ADAMTS20: variants seen among roughly 807,000 people sequenced by gnomAD.
ADAMTS20 encodes A disintegrin and metalloproteinase with thrombospondin motifs 20.
In ADAMTS20, 225 loss-of-function variants were observed where a neutral mutation model predicts 260.1. That is an observed-to-expected ratio of 0.87 (90% CI 0.78 to 0.97). The LOEUF is 0.97. ADAMTS20 is among the 50% of genes least tolerant of loss of function. The probability of loss-of-function intolerance (pLI) is 0.00; values close to 1 mark genes in which losing one functional copy is unlikely to be tolerated. For synonymous variants in ADAMTS20, 802 were observed against 769.5 expected, an observed-to-expected ratio of 1.04 and a Z score of -0.70; for missense variants, 2,400 against 2,337.7, an observed-to-expected ratio of 1.03 and a Z score of -0.55.
chr12:43,501,475 G>A (rs113757061), intron 4 of ADAMTS20, among the ~76,000 whole-genome samples: 3,182 of 59,046 alleles, frequency 0.054, 66 homozygotes, highest in East Asian at 0.2. Flanking sequence ...GCGCGCGCGC[G>A]CGCGCGCACA....
intron 28 of ADAMTS20, among the ~76,000 whole-genome samples, chr12:43,412,838 G>A (rs1375263354): frequency 8.6e-6 from 1 of 116,466 alleles, no homozygotes; most frequent in Non-Finnish European, 1.6e-5. Flanking sequence ...TTGAGACAGA[G>A]TCTGGCTCTG....
chr12:43,443,944 C>T, intron 15 of ADAMTS20, 61 bp from the exon 16 acceptor site: 4 of 1,335,126 alleles, frequency 3.0e-6, no homozygotes, highest in Non-Finnish European at 4.3e-6. Flanking sequence ...GAGGTTATTA[C>T]TGCTGAATGG....
chr12:43,382,573 C>A (rs535532688), intron 31 of ADAMTS20, among the ~76,000 whole-genome samples: 1 of 152,108 alleles, frequency 6.6e-6, no homozygotes, highest in East Asian at 1.9e-4. Context: ...GATGCTTGCA[C>A]ATACAGGTGA....
intron 7 of ADAMTS20, among the ~76,000 whole-genome samples, chr12:43,484,423 T>G (rs578196306): frequency 6.6e-6 from 1 of 152,132 alleles, no homozygotes; most frequent in East Asian, 1.9e-4. Flanking sequence ...ACAAATAGGA[T>G]TTTTAAAGAA....
rs568377106 is a variant in ADAMTS20, at chr12:43,368,220, G to T, written c.5538+1070C>A. On this transcript the variant is annotated intron_variant, in intron 37 of 38. Transcript: ENST00000389420. The stretch of plus-strand genomic sequence containing the variant: ...GTGTCAAATAAAAATAAATCCTTCA[G>T]TCTTGCTATTTTGTTTTGGAACCTT... 5.9e-5 allele frequency among the ~76,000 whole-genome samples: 9 copies of T among 152,072 alleles called. 1 individual carries two copies. In the South Asian group the frequency reaches 1.7e-3, roughly 28 times the overall value.
chr12:43,365,146 T>C (rs1209599895), intron 37 of ADAMTS20, among the ~76,000 whole-genome samples: 1 of 152,044 alleles, frequency 6.6e-6, no homozygotes, highest in Admixed American at 6.6e-5. Context: ...TCAATAATTT[T>C]TAATAAGCAA....
intron 3 of ADAMTS20, among the ~76,000 whole-genome samples, chr12:43,505,492 C>T (rs1163561451): frequency 6.6e-6 from 1 of 152,096 alleles, no homozygotes; most frequent in Non-Finnish European, 1.5e-5. Flanking sequence ...TAAACACTTT[C>T]CCAAATACAT....
chr12:43,519,042 GT>G (rs1206214552), intron 3 of ADAMTS20, among the ~76,000 whole-genome samples: 2 of 151,812 alleles, frequency 1.3e-5, no homozygotes, highest in African/African-American at 4.8e-5. Context: ...TGTTCCCCTA[GT>G]TTTTTTCCCA....
At chr12:43,371,120 C>A (rs751247128) in intron 36 of ADAMTS20, among the ~76,000 whole-genome samples, 1 of 152,188 alleles carries the variant, frequency 6.6e-6, no homozygotes, top group Non-Finnish European at 1.5e-5. Flanking sequence ...AAGCTACCAT[C>A]CCCCAACCTA....
chr12:43,385,032 A>T (rs1940441594), intron 29 of ADAMTS20, among the ~76,000 whole-genome samples: 3 of 152,226 alleles, frequency 2.0e-5, no homozygotes, highest in Non-Finnish European at 4.4e-5. Context: ...GAATCGCCAT[A>T]CTGTCTTCCA....
At chr12:43,413,580 TTG>T (rs1941073543) in intron 28 of ADAMTS20, among the ~76,000 whole-genome samples, 1 of 152,204 alleles carries the variant, frequency 6.6e-6, no homozygotes, top group African/African-American at 2.4e-5. Context: ...AAAGAAATAT[TTG>T]TCTCAAAATA....
At chr12:43,471,920 G>T (rs1441986153) in intron 7 of ADAMTS20, among the ~76,000 whole-genome samples, 1 of 145,174 alleles carries the variant, frequency 6.9e-6, no homozygotes, top group East Asian at 2.1e-4. Context: ...ACTCTAAAAC[G>T]CAGAGCGCCT....
At chr12:43,523,046 G>T (rs760476537) in intron 3 of ADAMTS20, among the ~76,000 whole-genome samples, 2 of 152,140 alleles carry the variant, frequency 1.3e-5, no homozygotes, top group Admixed American at 6.5e-5. Context: ...TGCTAAATCT[G>T]TAGGCCCACC....
chr12:43,384,604 G>A (rs1301082439), intron 29 of ADAMTS20, among the ~76,000 whole-genome samples: 1 of 151,854 alleles, frequency 6.6e-6, no homozygotes, highest in African/African-American at 2.4e-5. Flanking sequence ...GCCTCACCTT[G>A]TCCCCAAACC....
In ADAMTS20 at chr12:43,550,985, A is replaced by G. The variant is rs745547876; in HGVS notation, c.377T>C (p.Leu126Pro). ...AWESDAGPSD[L>P]RHCFYRGQVN... ...CTGGCCGCGGTAGAAGCAGTGGCGC[A>G]GGTCCGAGGGCCCTGCGTCGCTCTC... The change falls in exon 2 of 39, where the codon CTG becomes CCG. Residue 126 changes from leucine (L) to proline (P), a missense_variant. Coordinates refer to ENST00000389420, the MANE Select transcript of ADAMTS20 (RefSeq NM_025003.5). 10 of 1,610,674 alleles carry G rather than the reference A, an allele frequency of 6.2e-6. No individual in the cohort carries two copies. Among genetic ancestry groups the G allele is most frequent in the Non-Finnish European group, 8.5e-6 (10 of 1,177,846 alleles).
At chr12:43,440,836 G>A (rs184050137) in intron 16 of ADAMTS20, among the ~76,000 whole-genome samples, 1 of 152,104 alleles carries the variant, frequency 6.6e-6, no homozygotes, top group East Asian at 1.9e-4. Flanking sequence ...AGGCCGAGAC[G>A]GGCGGATCAC....
chr12:43,529,897 A>G (rs897237601), intron 3 of ADAMTS20, among the ~76,000 whole-genome samples: 13 of 152,166 alleles, frequency 8.5e-5, no homozygotes, highest in African/African-American at 3.1e-4. Flanking sequence ...TTTTAATTGC[A>G]TTTGCAATGC....
rs1942158187 is a variant in ADAMTS20, at chr12:43,466,681, A to G, written c.1338T>C (p.Cys446=). 1 of 1,609,856 alleles carries G rather than the reference A, an allele frequency of 6.2e-7. No homozygotes were observed. Among genetic ancestry groups the G allele is most frequent in the African/African-American group, 1.3e-5 (1 of 74,800 alleles). The change falls in exon 9 of 39, where the codon TGT becomes TGC. Residue 446 remains cysteine, a synonymous_variant. Transcript: ENST00000389420. ...FHMSPWSWSN[C]SRKYVTEFLD... is the part of the protein sequence containing the mutation. ...GGAATTCAGTAACATATTTCCGACT[A>G]CAGTTTGACCAGCTCCAAGGACTCA...
chr12:43,426,576 T>A (rs1941337279), intron 27 of ADAMTS20, among the ~76,000 whole-genome samples: 1 of 152,204 alleles, frequency 6.6e-6, no homozygotes, highest in Admixed American at 6.5e-5. Context: ...AAAGTGACTT[T>A]AAAAAATTAT....
Sources: allele counts gnomAD v4.1 joint callset (sites outside exome capture counted in the v4.1 genomes callset), GRCh38; gene constraint gnomAD v4.1.1; transcripts MANE v1.5; gene names NCBI Gene and HGNC (gene_info 2026-07-23, HGNC 2026-07-21).